The following HERC2 variants were observed in gnomAD, a reference collection of about 807,000 sequenced individuals.
HERC2 encodes E3 ubiquitin-protein ligase HERC2.
In HERC2, 102 loss-of-function variants were observed where a neutral mutation model predicts 537.7. The observed-to-expected ratio is 0.19, with a 90% CI of 0.16 to 0.22. The LOEUF (loss-of-function observed/expected upper bound fraction) is 0.22. HERC2 is among the 10% of genes least tolerant of loss of function. The probability of loss-of-function intolerance (pLI) is 1.00; values close to 1 mark genes in which losing one functional copy is unlikely to be tolerated. For missense variants in HERC2, 4,236 were observed against 6,198.2 expected (o/e 0.68, Z 10.63); for synonymous variants, 2,224 against 2,466.2 (o/e 0.90, Z 2.91).
rs532550682 is a variant in HERC2, at chr15:28,299,688, T to A, written c.73-172A>T. On this transcript the variant is annotated intron_variant, in intron 2 of 92. Coordinates refer to ENST00000261609, the MANE Select transcript of HERC2 (RefSeq NM_004667.6). ...ATCATTTTACATTTCAGGAAAGTCA[T>A]CCAAGAAATATAAATGAAAAGGTGC... Among the ~76,000 whole-genome samples the A allele has an allele frequency of 1.1e-4, 16 of 152,270 alleles. No homozygotes were observed. In the East Asian group the frequency reaches 3.1e-3, roughly 29 times the overall value.
chr15:28,208,443 C>T (rs570863125), intron 44 of HERC2, among the ~76,000 whole-genome samples: 5 of 151,988 alleles, frequency 3.3e-5, no homozygotes, highest in African/African-American at 9.7e-5. Context: ...CATCACCTGA[C>T]GCAGGAGCAA....
At chr15:28,216,270 T>C (rs1226634002) in intron 38 of HERC2, among the ~76,000 whole-genome samples, 3 of 152,228 alleles carry the variant, frequency 2.0e-5, no homozygotes, top group East Asian at 3.8e-4. Context: ...GTGTTTTAAA[T>C]ATCTCCACAA....
chr15:28,245,546 CAAAA>C lies in HERC2; in HGVS notation c.3577+331_3577+334del, dbSNP rs552182472. 4.4e-3 allele frequency among the ~76,000 whole-genome samples: 472 copies of C among 106,992 alleles called. 2 individuals carry two copies. The highest frequency in any genetic ancestry group is 0.015 in the African/African-American group (444 of 30,106). 70.2% of individuals were successfully genotyped at this position (106,992 alleles called of 152,430 possible). A position where few individuals can be genotyped will look rare whatever the true frequency, so the allele number is the denominator to read the frequency against. On this transcript the variant is annotated intron_variant, in intron 23 of 92. Coordinates refer to ENST00000261609, the MANE Select transcript of HERC2 (RefSeq NM_004667.6). ...TGGGCAACAGAGCAAGATGTAGTGT[CAAAA>C]AAAAAAAAAAATATATACACACACA...
At chr15:28,277,669 C>T (rs2075911452) in intron 5 of HERC2, among the ~76,000 whole-genome samples, 1 of 152,158 alleles carries the variant, frequency 6.6e-6, no homozygotes, top group South Asian at 2.1e-4. Context: ...TTAGCACCTA[C>T]CGCCGACCCG....
Position 28,215,843 on chromosome 15 carries a change from A to C in HERC2, c.6029-41T>G. 4 of 1,211,708 alleles carry C rather than the reference A, an allele frequency of 3.3e-6. No individual in the cohort carries two copies. In the Admixed American group the frequency reaches 8.3e-5, roughly 25 times the overall value. 75.1% of individuals were successfully genotyped at this position (1,211,708 alleles called of 1,614,324 possible). ...TAGACATGCTTGGTAACAAGTCCCT[A>C]AAGACAAATCCCTAAAGATATATCC... On this transcript the variant is annotated intron_variant, in intron 38 of 92. Coordinates refer to ENST00000261609, the MANE Select transcript of HERC2 (RefSeq NM_004667.6).
chr15:28,219,396 G>A (rs1184020603), intron 37 of HERC2, among the ~76,000 whole-genome samples: 1 of 152,240 alleles, frequency 6.6e-6, no homozygotes, highest in Non-Finnish European at 1.5e-5. Flanking sequence ...CTTCCTGCAG[G>A]CAAGGGAGGC....
intron 78 of HERC2, among the ~76,000 whole-genome samples, chr15:28,140,216 C>A (rs1281724999): frequency 6.6e-6 from 1 of 152,180 alleles, no homozygotes; most frequent in Admixed American, 6.5e-5. Flanking sequence ...TCAAACCCCA[C>A]TGGAAGCCTG....
At chr15:28,119,851 A>C (rs1437352890) in intron 86 of HERC2, among the ~76,000 whole-genome samples, 1 of 152,178 alleles carries the variant, frequency 6.6e-6, no homozygotes, top group Non-Finnish European at 1.5e-5. Context: ...AGTAAGAAAG[A>C]GGTGCTCAGC....
At position 28,254,394 on chromosome 15, in the gene HERC2, T is replaced by C; in HGVS notation, c.2996A>G (p.Glu999Gly). 3 of 1,608,424 alleles carry C rather than the reference T, an allele frequency of 1.9e-6. No individual in the cohort carries two copies. Among genetic ancestry groups the C allele is most frequent in the Non-Finnish European group, 2.5e-6 (3 of 1,177,814 alleles). ...AGGCAAACACTGTTTGCCAGAAGAC[T>C]CACAGATCCCCGTATTAATAAGGTC... is the stretch of plus-strand genomic sequence containing the variant. ...DKDLINTGIC[E>G]SSGKQCLPLV... The change falls in exon 20 of 93, where the codon GAG (glutamate) becomes GGG (glycine). Residue 999 changes from glutamate to glycine, a missense_variant. Glu to Gly is a moderately conservative substitution (Grantham distance 98). This residue lies in a region of HERC2 where 754 missense variants were observed against 1,085.0 expected (regional missense o/e 0.69). Coordinates refer to ENST00000261609, the MANE Select transcript of HERC2 (RefSeq NM_004667.6).
chr15:28,271,551 C>T (rs1329532284), intron 9 of HERC2, among the ~76,000 whole-genome samples: 1 of 151,980 alleles, frequency 6.6e-6, no homozygotes, highest in Non-Finnish European at 1.5e-5. Flanking sequence ...CGCCTGTAGT[C>T]CCAGCTACTC....
chr15:28,169,662 G>C lies in HERC2; in HGVS notation c.10058-7C>G, dbSNP rs746871370. On this transcript the variant is annotated splice_region_variant and splice_polypyrimidine_tract_variant and intron_variant, in intron 65 of 92. Transcript: ENST00000261609. ...TCAGCATCTGAAGGCACGCCTATAA[G>C]AGGAAAATAAAATTTGCATTGTTTT... is the stretch of plus-strand genomic sequence containing the variant. 2.5e-6 allele frequency: 4 copies of C among 1,596,302 alleles called. No individual in the cohort carries two copies. In the South Asian group the frequency reaches 4.6e-5, roughly 18 times the overall value.
chr15:28,293,921 T>C (rs1187888492), intron 3 of HERC2, among the ~76,000 whole-genome samples: 2 of 152,216 alleles, frequency 1.3e-5, no homozygotes, highest in Non-Finnish European at 2.9e-5. Context: ...AAGAGAGAAC[T>C]AACCTTAACC....
chr15:28,148,246 A>G (rs1891976768), intron 70 of HERC2, among the ~76,000 whole-genome samples: 1 of 152,186 alleles, frequency 6.6e-6, no homozygotes, highest in Non-Finnish European at 1.5e-5. Flanking sequence ...CTGAAGACAG[A>G]ATTACAATAA....
At chr15:28,128,658 C>T (rs954759338) in intron 83 of HERC2, among the ~76,000 whole-genome samples, 2 of 152,184 alleles carry the variant, frequency 1.3e-5, no homozygotes, top group Non-Finnish European at 2.9e-5. Context: ...AAAGATGGCG[C>T]CCACGTTTTT....
chr15:28,259,839 A>G (rs2075368950), intron 16 of HERC2, among the ~76,000 whole-genome samples: 1 of 151,694 alleles, frequency 6.6e-6, no homozygotes, highest in East Asian at 1.9e-4. Context: ...ATGGTAGTGC[A>G]CACCTATAAT....
At chr15:28,112,983 C>T in intron 92 of HERC2, 88 bp downstream of exon 92, 1 of 1,040,850 alleles carries the variant, frequency 9.6e-7, no homozygotes, top group Non-Finnish European at 1.4e-6. Context: ...GCTCGTTTTC[C>T]ATGTGCTGCA....
chr15:28,265,802 G>A lies in HERC2; in HGVS notation c.1756+15C>T. 6.2e-7 allele frequency: 1 copy of A among 1,614,198 alleles called. No individual in the cohort carries two copies. The highest frequency in any genetic ancestry group is 8.5e-7 in the Non-Finnish European group (1 of 1,180,024). Reference sequence around the variant, plus strand: ...CCTCCTGCTGCATGCTCCCACTCATGCAGAGCAGACGTACCATGGCCCAGC... The same window carrying A: ...CCTCCTGCTGCATGCTCCCACTCATACAGAGCAGACGTACCATGGCCCAGC... On this transcript the variant is annotated intron_variant, in intron 13 of 92. Coordinates refer to ENST00000261609, the MANE Select transcript of HERC2 (RefSeq NM_004667.6). The surrounding 1 kb of genome is among the most constrained non-coding windows in gnomAD (Gnocchi z 4.0).
At position 28,150,450 on chromosome 15, in the gene HERC2, C is replaced by T. The variant is rs1892320848; in HGVS notation, c.10900+2227G>A. 4.0e-5 allele frequency among the ~76,000 whole-genome samples: 6 copies of T among 151,246 alleles called. No homozygotes were observed. In the South Asian group the frequency reaches 1.0e-3, roughly 26 times the overall value. ...GAGAACATCACCGACAACGGCCACA[C>T]GAACGTACATTCTAGTGAAATTACC... On this transcript the variant is annotated intron_variant, in intron 70 of 92. Coordinates refer to ENST00000261609, the MANE Select transcript of HERC2 (RefSeq NM_004667.6).
At position 28,122,362 on chromosome 15, in the gene HERC2, G is replaced by T. The variant is rs551798719; in HGVS notation, c.13189-933C>A. Among the ~76,000 whole-genome samples the T allele has an allele frequency of 6.6e-6, 1 of 152,208 alleles. No individual in the cohort carries two copies. The highest frequency in any genetic ancestry group is 2.4e-5 in the African/African-American group (1 of 41,448). On this transcript the variant is annotated intron_variant, in intron 85 of 92. Transcript: ENST00000261609. The surrounding 1 kb of genome is among the most constrained non-coding windows in gnomAD (Gnocchi z 4.1). ...CAAGGAGGCAATCGTGCCTTCTTTC[G>T]GTTAGGGGTGGGCTGTGGGAGCACA... is the stretch of plus-strand genomic sequence containing the variant.
Sources: gnomAD v4.1 joint callset for allele counts (sites outside exome capture counted in the v4.1 genomes callset) on GRCh38, gnomAD v4.1.1 for gene constraint, gnomAD v4.1.1 regional missense constraint, Gnocchi (gnomAD v3.1) non-coding constraint, MANE v1.5 for transcripts, NCBI Gene and HGNC (gene_info 2026-07-23, HGNC 2026-07-21) for gene names.